Variants in HCN2 observed in about 807,000 individuals in gnomAD.
The protein encoded by HCN2 is hyperpolarization activated cyclic nucleotide gated potassium and sodium channel 2.
In HCN2, 20 loss-of-function variants were observed where a neutral mutation model predicts 52.3. The ratio of observed to expected loss-of-function variants is 0.38; its 90% CI spans 0.27 to 0.56. The LOEUF is 0.56. Ranked by LOEUF, HCN2 falls within the 20% of genes least tolerant of loss-of-function variation. HCN2 has a pLI of 0.71. For missense variants in HCN2, 981 were observed against 1,207.7 expected (o/e 0.81, Z 2.78); for synonymous variants, 694 against 537.0 (o/e 1.29, Z -4.04).
chr19:594,707 C>T (rs566436474), intron 1 of HCN2, among the ~76,000 whole-genome samples: 67 of 152,176 alleles, frequency 4.4e-4, no homozygotes, highest in African/African-American at 1.3e-3. Flanking sequence ...GGGATGGCCC[C>T]GGGGGCAGGG....
intron 4 of HCN2, 45 bp downstream of exon 4, chr19:608,227 G>T (rs746975104): frequency 6.4e-7 from 1 of 1,559,494 alleles, no homozygotes; most frequent in South Asian, 1.1e-5. Flanking sequence ...TGGGGGAGGC[G>T]GGCCTGGATC....
At position 605,097 on chromosome 19, in the gene HCN2, A is replaced by G. The variant is rs1445277271; in HGVS notation, c.1093A>G (p.Met365Val). Residue 365 changes from methionine to valine, a missense_variant, in exon 3 of 8, where the codon ATG (methionine) becomes GTG (valine). Coordinates refer to ENST00000251287, the MANE Select transcript of HCN2 (RefSeq NM_001194.4). Reference sequence around the variant, plus strand: ...GACCTATGACCTGGCCAGCGCGGTGATGAGGATCTGCAATCTCATCAGCAT... The same window carrying G: ...GACCTATGACCTGGCCAGCGCGGTGGTGAGGATCTGCAATCTCATCAGCAT... ...HMTYDLASAV[M>V]RICNLISMML... is the part of the protein sequence containing the mutation. 2 of 1,611,774 alleles carry G rather than the reference A, an allele frequency of 1.2e-6. No homozygotes were observed. Among genetic ancestry groups the G allele is most frequent in the African/African-American group, 2.7e-5 (2 of 74,804 alleles).
intron 3 of HCN2, among the ~76,000 whole-genome samples, chr19:606,777 G>A (rs939339673): frequency 6.7e-6 from 1 of 149,462 alleles, no homozygotes; most frequent in African/African-American, 2.5e-5. Context: ...GCTTGAACCC[G>A]GGAGCAGAGG....
At chr19:615,455 A>G (rs1347801649) in intron 7 of HCN2, among the ~76,000 whole-genome samples, 3 of 152,316 alleles carry the variant, frequency 2.0e-5, no homozygotes, top group East Asian at 3.9e-4. Flanking sequence ...TGGACCTTGC[A>G]GTGGGCCGAG....
At position 606,390 on chromosome 19, in the gene HCN2, CGCGCCCG is replaced by C. The variant is rs1244015032; in HGVS notation, c.1218+1171_1218+1177del. Among the ~76,000 whole-genome samples, 176 of 152,082 alleles carry C rather than the reference CGCGCCCG, an allele frequency of 1.2e-3. 3 individuals are homozygous for C. The highest frequency in any genetic ancestry group is 3.6e-3 in the African/African-American group (148 of 41,518). On this transcript the variant is annotated intron_variant, in intron 3 of 7. Transcript: ENST00000251287. ...TGTTGGGATTACAGGCGTGAGCCAC[CGCGCCCG>C]GCCTGGTTGGATCCCTTGAGCCCAG...
intron 5 of HCN2, among the ~76,000 whole-genome samples, chr19:612,393 G>GGTGTGTGTGTGTGTGTGTGTGT (rs140326049): frequency 2.0e-4 from 29 of 141,766 alleles, no homozygotes; most frequent in African/African-American, 6.5e-4. Flanking sequence ...GCTTTCCACT[G>GGTGTGTGTGTGTGTGTGTGTGT]GTGTGTGTGT....
chr19:607,321 T>G (rs1360590937), intron 3 of HCN2, among the ~76,000 whole-genome samples: 1 of 152,138 alleles, frequency 6.6e-6, no homozygotes, highest in African/African-American at 2.4e-5. Context: ...GCCTGGGGAG[T>G]GCTGTGCCCC....
chr19:605,783 T>C (rs7259120), intron 3 of HCN2, among the ~76,000 whole-genome samples: 1 of 95,954 alleles, frequency 1.0e-5, no homozygotes, highest in Non-Finnish European at 2.1e-5. Context: ...AGGGAAGGAC[T>C]CGGGCCCTTA....
chr19:608,203 G>A lies in HCN2; in HGVS notation c.1437+21G>A, dbSNP rs374789532. On this transcript the variant is annotated intron_variant, in intron 4 of 7. Transcript: ENST00000251287. ...AGAAGGTCTGAGGGAGGCGGGCCCC[G>A]GCCTGGGTTCTGATGGGGGAGGCGG... The A allele has an allele frequency of 3.5e-5, 56 of 1,606,706 alleles. No homozygotes were observed. The Middle Eastern group carries it at 1.2e-3, about 33-fold the overall frequency.
At position 616,365 on chromosome 19, in the gene HCN2, C is replaced by A; in HGVS notation, c.2561C>A (p.Ala854Asp). The change falls in exon 8 of 8, where the codon GCC becomes GAC. Residue 854 changes from alanine (A) to aspartate (D), a missense_variant. By Grantham distance (126) the Ala-to-Asp change is moderately radical. Transcript: ENST00000251287. ...CCGCGCTTGGGGCCCACGCCCGCTG[C>A]CCGGGCCGCCGCGCCCAGCCCGGAC... is the stretch of plus-strand genomic sequence containing the variant. ...STPRLGPTPA[A>D]RAAAPSPDRR... 3 of 1,222,608 alleles carry A rather than the reference C, an allele frequency of 2.5e-6. No individual in the cohort carries two copies. The African/African-American group carries it at 4.9e-5, about 20-fold the overall frequency. 75.7% of individuals were successfully genotyped at this position (1,222,608 alleles called of 1,614,324 possible).
chr19:600,711 C>T (rs1314267599), intron 1 of HCN2, among the ~76,000 whole-genome samples: 1 of 152,150 alleles, frequency 6.6e-6, no homozygotes, highest in Non-Finnish European at 1.5e-5. Flanking sequence ...AAACCCCTGA[C>T]CTCAAGTGAT....
At chr19:595,070 C>T (rs938921625) in intron 1 of HCN2, among the ~76,000 whole-genome samples, 1 of 152,028 alleles carries the variant, frequency 6.6e-6, no homozygotes, top group Non-Finnish European at 1.5e-5. Context: ...GGCGTGGTGG[C>T]GTGCACCTGT....
At chr19:606,636 T>A (rs1877282505) in intron 3 of HCN2, among the ~76,000 whole-genome samples, 1 of 151,492 alleles carries the variant, frequency 6.6e-6, no homozygotes, top group African/African-American at 2.4e-5. Context: ...GCGGATCACC[T>A]GAGGTCAGGA....
At position 603,646 on chromosome 19, in the gene HCN2, C is replaced by T. The variant is rs748168553; in HGVS notation, c.735C>T (p.Ile245=). The change falls in exon 2 of 8, where the codon ATC becomes ATT. Residue 245 remains isoleucine (I), a synonymous_variant. Coordinates refer to ENST00000251287, the MANE Select transcript of HCN2 (RefSeq NM_001194.4). ...AGGATGAGACCACTGCCCCGTGGAT[C>T]GTGTTCAACGTGGTCTCGGACACCT... ...FFKDETTAPW[I]VFNVVSDTFF... The T allele has an allele frequency of 2.5e-5, 41 of 1,612,422 alleles. No homozygotes were observed. Among genetic ancestry groups the T allele is most frequent in the Non-Finnish European group, 3.0e-5 (35 of 1,179,610 alleles).
chr19:596,714 G>A (rs1226933686), intron 1 of HCN2, among the ~76,000 whole-genome samples: 1 of 152,202 alleles, frequency 6.6e-6, no homozygotes, highest in Non-Finnish European at 1.5e-5. Flanking sequence ...TGGCCGGATG[G>A]GGAAAGGGCT....
intron 5 of HCN2, among the ~76,000 whole-genome samples, chr19:611,202 G>GAT (rs780106926): frequency 6.6e-6 from 1 of 152,238 alleles, no homozygotes; most frequent in Non-Finnish European, 1.5e-5. Context: ...CTTTCTGGGA[G>GAT]ATGTAGTTCA....
rs1367514965 is a variant in HCN2, at chr19:589,952, G to C, written c.7G>C (p.Ala3Pro). 1 of 927,236 alleles carries C rather than the reference G, an allele frequency of 1.1e-6. No individual in the cohort carries two copies. Among genetic ancestry groups the C allele is most frequent in the South Asian group, 5.1e-5 (1 of 19,578 alleles). 57.4% of individuals were successfully genotyped at this position (927,236 alleles called of 1,614,324 possible). A position where few individuals can be genotyped will look rare whatever the true frequency, so the allele number is the denominator to read the frequency against. MD[A>P]RGGGGRPGES... ...TGCCCGGCGCCGCCTCGCCATGGACGCGCGCGGGGGCGGCGGGCGGCCCGG... is the reference window on the plus strand; with the variant it reads ...TGCCCGGCGCCGCCTCGCCATGGACCCGCGCGGGGGCGGCGGGCGGCCCGG... Residue 3 changes from alanine to proline, a missense_variant, in exon 1 of 8, where the codon GCG becomes CCG. Ala to Pro is a conservative substitution (Grantham distance 27). Coordinates refer to ENST00000251287, the MANE Select transcript of HCN2 (RefSeq NM_001194.4).
Position 604,699 on chromosome 19 carries a change from G to T in HCN2, c.1057-362G>T, listed in dbSNP as rs1351555841. ...TCAGGCAGCAGGGGCGGGGCAATGC[G>T]GGTTTTGCTGGGGCAGGGCCAGACA... On this transcript the variant is annotated intron_variant, in intron 2 of 7. Transcript: ENST00000251287. Among the ~76,000 whole-genome samples the T allele has an allele frequency of 2.6e-4, 27 of 105,394 alleles. 1 individual carries two copies. Among genetic ancestry groups the T allele is most frequent in the African/African-American group, 1.2e-3 (22 of 18,382 alleles). The allele number at this position is 105,394 out of a possible 152,430, so 69.1% of individuals were successfully genotyped here.
chr19:599,596 G>C (rs1983137462), intron 1 of HCN2, among the ~76,000 whole-genome samples: 3 of 151,604 alleles, frequency 2.0e-5, no homozygotes, highest in South Asian at 4.2e-4. Context: ...TGGCTAACAT[G>C]GTGAAACCCC....
Sources: gnomAD v4.1 joint callset for allele counts (sites outside exome capture counted in the v4.1 genomes callset) on GRCh38, gnomAD v4.1.1 for gene constraint, MANE v1.5 for transcripts, NCBI Gene and HGNC (gene_info 2026-07-23, HGNC 2026-07-21) for gene names.